Variants in LRP1B observed in about 807,000 individuals in gnomAD.
The protein encoded by LRP1B is low-density lipoprotein receptor-related protein 1B.
In LRP1B, 217 loss-of-function variants were observed where a neutral mutation model predicts 556.6. That is an observed-to-expected ratio of 0.39 (90% CI 0.35 to 0.44). LRP1B has a LOEUF of 0.44. LRP1B is among the 20% of genes least tolerant of loss of function. The probability of loss-of-function intolerance (pLI) is 1.00; values close to 1 mark genes in which losing one functional copy is unlikely to be tolerated. For missense variants in LRP1B, 5,053 were observed against 5,620.8 expected (o/e 0.90, Z 3.23); for synonymous variants, 2,047 against 1,865.8 (o/e 1.10, Z -2.50).
intron 49 of LRP1B, among the ~76,000 whole-genome samples, chr2:140,525,480 G>A (rs1251125760): frequency 1.3e-5 from 2 of 151,824 alleles, no homozygotes. Flanking sequence ...CACTGAGTAA[G>A]GCCAGTCGTA....
intron 1 of LRP1B, among the ~76,000 whole-genome samples, chr2:141,870,542 T>G (rs1698549999): frequency 6.6e-6 from 1 of 151,994 alleles, no homozygotes; most frequent in South Asian, 2.1e-4. Flanking sequence ...GCTCCATCTT[T>G]AAGTCTAAAT....
intron 7 of LRP1B, among the ~76,000 whole-genome samples, chr2:141,176,302 T>C (rs1057149671): frequency 6.6e-6 from 1 of 152,030 alleles, no homozygotes; most frequent in African/African-American, 2.4e-5. Flanking sequence ...CCCACCCAAA[T>C]CTCATGTCCC....
At chr2:141,406,573 T>C (rs942752763) in intron 3 of LRP1B, among the ~76,000 whole-genome samples, 3 of 151,910 alleles carry the variant, frequency 2.0e-5, no homozygotes, top group Admixed American at 2.0e-4. Context: ...TATCTATCTA[T>C]CTATCTATCT....
intron 41 of LRP1B, among the ~76,000 whole-genome samples, chr2:140,626,528 TA>T (rs1472323086): frequency 6.6e-6 from 1 of 152,036 alleles, no homozygotes; most frequent in African/African-American, 2.4e-5. Context: ...AAAACTGCTC[TA>T]AAAAATAAAA....
chr2:140,466,805 C>T (rs539960199), intron 60 of LRP1B, among the ~76,000 whole-genome samples: 2 of 152,116 alleles, frequency 1.3e-5, no homozygotes, highest in Non-Finnish European at 2.9e-5. Flanking sequence ...GTAACTTTTT[C>T]TTAGTTCGCC....
chr2:141,405,323 T>A (rs1690596155), intron 3 of LRP1B, among the ~76,000 whole-genome samples: 1 of 152,116 alleles, frequency 6.6e-6, no homozygotes, highest in South Asian at 2.1e-4. Context: ...TAGTACATTT[T>A]AAAAAAACTA....
At chr2:141,195,775 C>G (rs1003985794) in intron 6 of LRP1B, among the ~76,000 whole-genome samples, 1 of 152,064 alleles carries the variant, frequency 6.6e-6, no homozygotes, top group Non-Finnish European at 1.5e-5. Context: ...TGGGACACAA[C>G]CAAGGCCTGG....
At position 140,881,252 on chromosome 2, in the gene LRP1B, A is replaced by AGG. The variant is rs531850216; in HGVS notation, c.4169+2564_4169+2565insCC. Among the ~76,000 whole-genome samples, 289 of 73,120 alleles carry AGG rather than the reference A, an allele frequency of 4.0e-3. 2 individuals are homozygous for AGG. Among genetic ancestry groups the AGG allele is most frequent in the African/African-American group, 9.6e-3 (276 of 28,604 alleles). 48.0% of individuals were successfully genotyped at this position (73,120 alleles called of 152,430 possible). A position where few individuals can be genotyped will look rare whatever the true frequency, so the allele number is the denominator to read the frequency against. ...CTTGTGCTTGGCTTGGCTTTGCTGTAAGTGTGTGTGTGTGTGTGTGTGTGC... is the reference window on the plus strand; with the variant it reads ...CTTGTGCTTGGCTTGGCTTTGCTGTAGGAGTGTGTGTGTGTGTGTGTGTGTGC... On this transcript the variant is annotated intron_variant, in intron 25 of 90. Transcript: ENST00000389484.
intron 2 of LRP1B, among the ~76,000 whole-genome samples, chr2:141,600,231 C>T (rs767545459): frequency 2.8e-4 from 43 of 152,092 alleles, no homozygotes; most frequent in Non-Finnish European, 4.7e-4. Context: ...CTTGAAATCA[C>T]CTGGAGAGCT....
rs988461674 is a variant in LRP1B at position 141,249,351 on chromosome 2, C to G, written c.464-1997G>C. ...GTGGCTCAGGCCTGTATTCCTAGCA[C>G]TTTGGTAGGCCAAGGCGGGCAGATT... On this transcript the variant is annotated intron_variant, in intron 4 of 90. Transcript: ENST00000389484. Among the ~76,000 whole-genome samples, 6 of 152,298 alleles carry G rather than the reference C, an allele frequency of 3.9e-5. No individual in the cohort carries two copies. The South Asian group carries it at 1.0e-3, about 26-fold the overall frequency.
chr2:140,803,871 C>T (rs1420142520), intron 32 of LRP1B, among the ~76,000 whole-genome samples: 1 of 140,392 alleles, frequency 7.1e-6, no homozygotes, highest in East Asian at 2.2e-4. Context: ...TCCCCCACCC[C>T]CCCAACCCCC....
intron 5 of LRP1B, among the ~76,000 whole-genome samples, chr2:141,241,220 T>A (rs300366): frequency 6.6e-6 from 1 of 152,066 alleles, no homozygotes; most frequent in Non-Finnish European, 1.5e-5. Flanking sequence ...CCAGAAAAGA[T>A]GTAGAGTAAA....
At chr2:142,069,840 C>A (rs1039336022) in intron 1 of LRP1B, among the ~76,000 whole-genome samples, 1 of 117,932 alleles carries the variant, frequency 8.5e-6, no homozygotes, top group Non-Finnish European at 2.0e-5. Flanking sequence ...TTTTTGCAAT[C>A]ATGACTACAT....
intron 3 of LRP1B, among the ~76,000 whole-genome samples, chr2:141,349,697 T>C (rs2105536175): frequency 6.6e-6 from 1 of 152,210 alleles, no homozygotes; most frequent in Non-Finnish European, 1.5e-5. Flanking sequence ...TAGATATTTC[T>C]CTAAGTATAA....
At chr2:141,683,610 C>G (rs1691179487) in intron 2 of LRP1B, among the ~76,000 whole-genome samples, 1 of 151,960 alleles carries the variant, frequency 6.6e-6, no homozygotes. Flanking sequence ...TAAAGGTGGG[C>G]CTGGCTTCCT....
chr2:140,715,215 T>C (rs923752792), intron 37 of LRP1B, among the ~76,000 whole-genome samples: 1 of 151,926 alleles, frequency 6.6e-6, no homozygotes, highest in African/African-American at 2.4e-5. Context: ...CATAAAGCAA[T>C]AGAAATTCCT....
At chr2:140,418,961 T>C (rs1177176874) in intron 66 of LRP1B, among the ~76,000 whole-genome samples, 4 of 152,088 alleles carry the variant, frequency 2.6e-5, no homozygotes, top group African/African-American at 9.7e-5. Context: ...CAGATAAATC[T>C]CTGGATTTTA....
intron 2 of LRP1B, among the ~76,000 whole-genome samples, chr2:141,529,304 G>T (rs79661126): frequency 1.3e-5 from 2 of 152,286 alleles, no homozygotes; most frequent in South Asian, 2.1e-4. Context: ...GTTAGCTGAC[G>T]TGTATATTTC....
intron 86 of LRP1B, among the ~76,000 whole-genome samples, chr2:140,262,975 A>G (rs749020382): frequency 5.3e-5 from 8 of 152,126 alleles, no homozygotes; most frequent in Non-Finnish European, 1.2e-4. Flanking sequence ...CCAGGCTGAA[A>G]TGCAGTGAAG....
Sources: gnomAD v4.1 joint callset for allele counts (sites outside exome capture counted in the v4.1 genomes callset) on GRCh38, gnomAD v4.1.1 for gene constraint, MANE v1.5 for transcripts, NCBI Gene and HGNC (gene_info 2026-07-23, HGNC 2026-07-21) for gene names.